Variants in BCL2L13 observed in about 807,000 individuals in gnomAD.
The protein encoded by BCL2L13 is BCL2 like 13, also known as bcl-2-like protein 13.
In BCL2L13, 13 loss-of-function variants were observed where a neutral mutation model predicts 25.8. That is an observed-to-expected ratio of 0.50 (90% CI 0.33 to 0.80). The LOEUF (loss-of-function observed/expected upper bound fraction) is 0.80. BCL2L13 is among the 30% of genes least tolerant of loss of function. The pLI is 0.02. For synonymous variants in BCL2L13, 244 were observed against 230.3 expected (o/e 1.06, Z -0.54); for missense variants, 504 against 574.9 (o/e 0.88, Z 1.26).
chr22:17,656,892 C>T (rs2058889126), intron 2 of BCL2L13, among the ~76,000 whole-genome samples: 1 of 152,096 alleles, frequency 6.6e-6, no homozygotes, highest in African/African-American at 2.4e-5. Flanking sequence ...GATTTTGGCT[C>T]ACTGTAACCT....
chr22:17,662,053 A>G (rs1420266420), intron 2 of BCL2L13, among the ~76,000 whole-genome samples: 1 of 152,128 alleles, frequency 6.6e-6, no homozygotes, highest in African/African-American at 2.4e-5. Flanking sequence ...ACTTTAATTG[A>G]CATTTTTTCA....
intron 3 of BCL2L13, among the ~76,000 whole-genome samples, chr22:17,685,066 G>T (rs1048301019): frequency 1.3e-5 from 2 of 151,724 alleles, no homozygotes; most frequent in African/African-American, 4.8e-5. Flanking sequence ...TAGAGACAAG[G>T]TTTCTCCATG....
chr22:17,638,966 G>A (rs1390068064), intron 1 of BCL2L13, 80 bp downstream of exon 1: 1 of 1,127,544 alleles, frequency 8.9e-7, no homozygotes, highest in Non-Finnish European at 1.1e-6. Flanking sequence ...CCCAGAGACC[G>A]TATCGAGCCA....
chr22:17,673,512 C>T (rs1332664585), intron 2 of BCL2L13, among the ~76,000 whole-genome samples: 2 of 149,976 alleles, frequency 1.3e-5, no homozygotes, highest in African/African-American at 4.9e-5. Flanking sequence ...GAACTACAGT[C>T]GCCCACTACC....
chr22:17,638,900 G>T lies in BCL2L13; in HGVS notation c.-51+14G>T. On this transcript the variant is annotated intron_variant, in intron 1 of 6. Coordinates refer to ENST00000317582, the MANE Select transcript of BCL2L13 (RefSeq NM_015367.4). ...GGCCAGGGCCAGGTGAGGGGAGTGG[G>T]GTTCCGGGAAGGCTGAGCTGGGTGA... The T allele has an allele frequency of 8.1e-7, 1 of 1,232,124 alleles. No individual in the cohort carries two copies. The highest frequency in any genetic ancestry group is 4.1e-5 in the South Asian group (1 of 24,276). The allele number at this position is 1,232,124 out of a possible 1,614,324, so 76.3% of individuals were successfully genotyped here. A position where few individuals can be genotyped will look rare whatever the true frequency, so the allele number is the denominator to read the frequency against.
intron 4 of BCL2L13, among the ~76,000 whole-genome samples, chr22:17,689,714 A>T (rs974036991): frequency 2.6e-5 from 4 of 151,860 alleles, no homozygotes; most frequent in Admixed American, 1.3e-4. Context: ...ATGGTGGCGC[A>T]TGCCTCTAGT....
intron 2 of BCL2L13, among the ~76,000 whole-genome samples, chr22:17,661,398 T>C (rs8140916): frequency 0.69 from 99,489 of 144,740 alleles, 37,985 homozygotes; most frequent in East Asian, 0.93. Context: ...GCCAACATTT[T>C]ATTTTTTAAG....
At position 17,653,121 on chromosome 22, in the gene BCL2L13, G is replaced by A. The variant is rs187049295; in HGVS notation, c.-50-2541G>A. ...GGATACTTGAAGTTCAGTTTCTACT[G>A]AATGCATATTCTGTTTGCACTGCCA... On this transcript the variant is annotated intron_variant, in intron 1 of 6. Transcript: ENST00000317582. 5.0e-4 allele frequency among the ~76,000 whole-genome samples: 76 copies of A among 152,148 alleles called. 1 individual carries two copies. Among genetic ancestry groups the A allele is most frequent in the Admixed American group, 3.0e-3 (46 of 15,238 alleles).
Position 17,655,765 on chromosome 22 carries a change from T to G in BCL2L13, c.54T>G (p.Val18=). 1 of 1,613,832 alleles carries G rather than the reference T, an allele frequency of 6.2e-7. No individual in the cohort carries two copies. Among genetic ancestry groups the G allele is most frequent in the East Asian group, 2.2e-5 (1 of 44,842 alleles). ...GATTTCACTATGAAACAAAGTATGT[T>G]GTTCTCAGCTACTTGGGACTCCTCT... ...PLGFHYETKY[V]VLSYLGLLSQ... Residue 18 remains valine, a synonymous_variant, in exon 2 of 7, where the codon GTT becomes GTG. Coordinates refer to ENST00000317582, the MANE Select transcript of BCL2L13 (RefSeq NM_015367.4).
chr22:17,709,259 A>G (rs1360893660), intron 6 of BCL2L13, among the ~76,000 whole-genome samples: 1 of 151,752 alleles, frequency 6.6e-6, no homozygotes, highest in Non-Finnish European at 1.5e-5. Flanking sequence ...AACAAAAAAA[A>G]GAGGCTCCAG....
chr22:17,649,854 CCT>C (rs1348248448), intron 1 of BCL2L13, among the ~76,000 whole-genome samples: 2 of 146,468 alleles, frequency 1.4e-5, no homozygotes, highest in Non-Finnish European at 3.0e-5. Context: ...TCTATTCTCC[CCT>C]CTTTTTTTTC....
chr22:17,691,280 C>T (rs1261518806), intron 4 of BCL2L13, among the ~76,000 whole-genome samples: 2 of 152,220 alleles, frequency 1.3e-5, no homozygotes, highest in African/African-American at 4.8e-5. Context: ...TCACTCCTCT[C>T]TCCACAAAAA....
chr22:17,647,344 G>A (rs1029991804), intron 1 of BCL2L13, among the ~76,000 whole-genome samples: 50 of 151,910 alleles, frequency 3.3e-4, no homozygotes, highest in African/African-American at 1.0e-3. Flanking sequence ...TCCTGACCTC[G>A]TGATCCGCCT....
intron 6 of BCL2L13, among the ~76,000 whole-genome samples, chr22:17,714,075 C>T (rs940039687): frequency 1.3e-5 from 2 of 151,490 alleles, no homozygotes; most frequent in Non-Finnish European, 2.9e-5. Context: ...AGGTGGATCA[C>T]GAGGTCAGGA....
intron 4 of BCL2L13, among the ~76,000 whole-genome samples, chr22:17,692,056 G>T (rs1210335086): frequency 2.6e-5 from 4 of 152,164 alleles, no homozygotes; most frequent in Non-Finnish European, 5.9e-5. Context: ...TAAACTAGAA[G>T]TATTATAAAC....
At chr22:17,698,871 C>G (rs571017624) in intron 5 of BCL2L13, among the ~76,000 whole-genome samples, 9 of 152,172 alleles carry the variant, frequency 5.9e-5, no homozygotes, top group Non-Finnish European at 1.3e-4. Context: ...CTGGACATTT[C>G]AAATAAATGG....
upstream of BCL2L13, among the ~76,000 whole-genome samples, chr22:17,634,415 G>A (rs979328763): frequency 5.3e-5 from 8 of 152,168 alleles, no homozygotes; most frequent in Non-Finnish European, 7.3e-5. Flanking sequence ...TGGAACTTCT[G>A]ACCTTATGAT....
At chr22:17,676,458 G>A (rs2059579060) in intron 2 of BCL2L13, among the ~76,000 whole-genome samples, 1 of 152,098 alleles carries the variant, frequency 6.6e-6, no homozygotes, top group African/African-American at 2.4e-5. Context: ...GCGAGACTCT[G>A]TCTCAATTAA....
intron 4 of BCL2L13, among the ~76,000 whole-genome samples, chr22:17,690,124 G>T (rs2535700): frequency 0.14 from 21,202 of 151,668 alleles, 2,030 homozygotes; most frequent in Non-Finnish European, 0.21. Flanking sequence ...TCAGGAGTTG[G>T]AGACCAGCCT....
Sources: gnomAD v4.1 joint callset for allele counts (sites outside exome capture counted in the v4.1 genomes callset) on GRCh38, gnomAD v4.1.1 for gene constraint, MANE v1.5 for transcripts, NCBI Gene and HGNC (gene_info 2026-07-23, HGNC 2026-07-21) for gene names.